The following RGL3 variants were observed in gnomAD, a reference collection of about 807,000 sequenced individuals.
RGL3 encodes the protein ral guanine nucleotide dissociation stimulator like 3, also known as ral guanine nucleotide dissociation stimulator-like 3.
Under a neutral mutation model 90.6 loss-of-function variants are expected in RGL3, and 85 were observed. The observed-to-expected ratio is 0.94, with a 90% CI of 0.79 to 1.12. The LOEUF is 1.12. Ranked by LOEUF, RGL3 falls within the 50% of genes most tolerant of loss-of-function variation. The pLI, the probability that RGL3 is intolerant of heterozygous loss-of-function variation, is 0.00. For missense variants in RGL3, 1,034 were observed against 939.2 expected, an observed-to-expected ratio of 1.10 and a Z score of -1.32; for synonymous variants, 408 against 385.5, an observed-to-expected ratio of 1.06 and a Z score of -0.68.
At chr19:11,418,497 C>T (rs926341207) in intron 2 of RGL3, 174 bp downstream of exon 2, 4 of 592,948 alleles carry the variant, frequency 6.7e-6, no homozygotes, top group Non-Finnish European at 8.9e-6. Flanking sequence ...CTGGATCTCC[C>T]CCCACTTACC....
At chr19:11,395,754 A>G (rs1458629969) in intron 18 of RGL3, among the ~76,000 whole-genome samples, 1 of 151,622 alleles carries the variant, frequency 6.6e-6, no homozygotes, top group African/African-American at 2.4e-5. Context: ...CAGCCTCCTG[A>G]GTAGCTGGGA....
intron 5 of RGL3, among the ~76,000 whole-genome samples, chr19:11,408,534 C>T (rs914076532): frequency 9.9e-5 from 15 of 150,804 alleles, no homozygotes; most frequent in African/African-American, 2.7e-4. Flanking sequence ...TGCAGTGAGC[C>T]GACATCGTGT....
chr19:11,399,978 G>T, intron 15 of RGL3, 27 bp from the exon 16 acceptor site: 1 of 1,574,682 alleles, frequency 6.4e-7, no homozygotes, highest in Non-Finnish European at 8.6e-7. Flanking sequence ...GGCTGAGGTG[G>T]GGTGGCTGTG....
At chr19:11,414,157 A>ACC (rs1361847618) in intron 5 of RGL3, among the ~76,000 whole-genome samples, 11 of 101,328 alleles carry the variant, frequency 1.1e-4, no homozygotes, top group Admixed American at 4.6e-4. Context: ...ATATATATAT[A>ACC]TATATATATA....
rs1175042926 is a variant in RGL3 at position 11,397,519 on chromosome 19, G to GCGC, written c.1822_1824dup (p.Ala608dup). On this transcript the variant is annotated inframe_insertion, in exon 17 of 19. Transcript: ENST00000380456. Reference sequence around the variant, plus strand: ...ATGACACGGGCCTCCGAGCTCTGCTGCGCCGGGAGGGGGATTCGAGGGCTG... The same window carrying GCGC: ...ATGACACGGGCCTCCGAGCTCTGCTGCGCCGCCGGGAGGGGGATTCGAGGGCTG... The GCGC allele has an allele frequency of 3.1e-6, 5 of 1,613,366 alleles. No individual in the cohort carries two copies. Among genetic ancestry groups the GCGC allele is most frequent in the Admixed American group, 3.3e-5 (2 of 59,948 alleles).
intron 18 of RGL3, among the ~76,000 whole-genome samples, chr19:11,396,158 A>ATAT (rs1568334140): frequency 2.3e-4 from 6 of 25,632 alleles, no homozygotes; most frequent in African/African-American, 3.2e-4. Flanking sequence ...ATATATATAT[A>ATAT]TTTTTTTTTT....
At chr19:11,405,516 T>TTTTTTTTG in intron 7 of RGL3, 90 bp from the exon 8 acceptor site, 1 of 706,952 alleles carries the variant, frequency 1.4e-6, no homozygotes, top group South Asian at 2.5e-5. Context: ...TTTTTTTTTT[T>TTTTTTTTG]TTTTTTTTTT....
At chr19:11,395,602 C>T (rs1215549919) in intron 18 of RGL3, among the ~76,000 whole-genome samples, 1 of 152,160 alleles carries the variant, frequency 6.6e-6, no homozygotes, top group Admixed American at 6.6e-5. Context: ...TTCTACACTC[C>T]CTTCTCTCAC....
intron 5 of RGL3, among the ~76,000 whole-genome samples, chr19:11,414,078 A>G (rs147133487): frequency 0.012 from 1,717 of 138,050 alleles, 31 homozygotes; most frequent in African/African-American, 0.044. Context: ...GACAGGGGCT[A>G]GTGGATACCA....
At position 11,397,577 on chromosome 19, in the gene RGL3, C is replaced by T. The variant is rs1384022215; in HGVS notation, c.1767G>A (p.Leu589=). The change falls in exon 17 of 19, where the codon CTG becomes CTA. Residue 589 remains leucine, a synonymous_variant. Transcript: ENST00000380456. ...GCAAAGCGAAGGGCCGGGGGCTGGGCAGGTCCAGGCTCAGGGGCAGCTGCA... is the reference window on the plus strand; with the variant it reads ...GCAAAGCGAAGGGCCGGGGGCTGGGTAGGTCCAGGCTCAGGGGCAGCTGCA... ...PSTKLPLSLD[L]PSPRPFALPL... 10 of 1,574,422 alleles carry T rather than the reference C, an allele frequency of 6.4e-6. No homozygotes were observed. Among genetic ancestry groups the T allele is most frequent in the Non-Finnish European group, 8.6e-6 (10 of 1,158,856 alleles).
Position 11,402,111 on chromosome 19 carries a change from T to C in RGL3, c.1384A>G (p.Ile462Val). 2 of 1,604,144 alleles carry C rather than the reference T, an allele frequency of 1.2e-6. No individual in the cohort carries two copies. The highest frequency in any genetic ancestry group is 1.7e-6 in the Non-Finnish European group (2 of 1,175,176). ...RRKEWEILAR[I>V]QQLQRRCQSY... is the part of the protein sequence containing the mutation. ...TGACAGCGCCTCTGCAGCTGCTGGA[T>C]GCGGGCCAGGATCTCCCACTCCTGG... Residue 462 changes from isoleucine to valine, a missense_variant, in exon 13 of 19, where the codon ATC becomes GTC. Transcript: ENST00000380456.
Position 11,416,002 on chromosome 19 carries a change from A to C in RGL3, c.572T>G (p.Leu191Arg). The part of the protein sequence containing the change: ...GSAEAQKAEK[L>R]LEDFLEEAER... The stretch of plus-strand genomic sequence containing the variant: ...AGCCTCCTCCAAAAAATCTTCCAGA[A>C]GCTTCTCTGCTTTTTGAGCCTCAGC... Residue 191 changes from leucine to arginine, a missense_variant, in exon 5 of 19, where the codon CTT becomes CGT. Leu to Arg is a moderately radical substitution (Grantham distance 102). Coordinates refer to ENST00000380456, the MANE Select transcript of RGL3 (RefSeq NM_001035223.4). The C allele has an allele frequency of 6.2e-7, 1 of 1,613,908 alleles. No homozygotes were observed.
At chr19:11,402,946 A>G (rs1001677547) in intron 9 of RGL3, among the ~76,000 whole-genome samples, 2 of 152,010 alleles carry the variant, frequency 1.3e-5, no homozygotes, top group African/African-American at 4.8e-5. Context: ...TGTCTCTACT[A>G]AAAATACAAA....
intron 5 of RGL3, among the ~76,000 whole-genome samples, chr19:11,414,435 T>G (rs1968943932): frequency 9.7e-6 from 1 of 102,584 alleles, no homozygotes; most frequent in East Asian, 2.5e-4. Flanking sequence ...ATATATACCT[T>G]CATATATATA....
At chr19:11,395,398 T>A (rs2144712397) in intron 18 of RGL3, among the ~76,000 whole-genome samples, 2 of 152,310 alleles carry the variant, frequency 1.3e-5, no homozygotes. Flanking sequence ...CTTCTCCCTG[T>A]CAGACAGGAC....
rs142635784 is a variant in RGL3, at chr19:11,394,149, C to A, written c.*253G>T. 1 of 425,594 alleles carries A rather than the reference C, an allele frequency of 2.3e-6. No homozygotes were observed. The highest frequency in any genetic ancestry group is 4.3e-6 in the Non-Finnish European group (1 of 231,244). The allele number at this position is 425,594 out of a possible 1,614,324, so 26.4% of individuals were successfully genotyped here. A position where few individuals can be genotyped will look rare whatever the true frequency, so the allele number is the denominator to read the frequency against. On this transcript the variant is annotated 3_prime_UTR_variant, in exon 19 of 19. Coordinates refer to ENST00000380456, the MANE Select transcript of RGL3 (RefSeq NM_001035223.4). Reference sequence around the variant, plus strand: ...AAGATTTCTCTGGGGAGGGATTTGACGTATCCATGCCCCACCTCTTTCTAC... The same window carrying A: ...AAGATTTCTCTGGGGAGGGATTTGAAGTATCCATGCCCCACCTCTTTCTAC...
chr19:11,414,500 T>TATATATATACACCTTC (rs1968952821), intron 5 of RGL3, among the ~76,000 whole-genome samples: 3 of 75,146 alleles, frequency 4.0e-5, no homozygotes, highest in African/African-American at 1.5e-4. Context: ...CATATATATA[T>TATATATATACACCTTC]ATATATATAT....
At chr19:11,411,376 A>T (rs886988322) in intron 5 of RGL3, 5 of 152,032 alleles carry the variant, frequency 3.3e-5, no homozygotes. Flanking sequence ...GAGTCAAGAG[A>T]TCCTCCCATC....
intron 9 of RGL3, among the ~76,000 whole-genome samples, chr19:11,403,341 A>T (rs1465025956): frequency 2.1e-5 from 3 of 142,216 alleles, no homozygotes; most frequent in Non-Finnish European, 4.6e-5. Flanking sequence ...GGCCAAAAAA[A>T]TTTTTTTTAA....
Sources: gnomAD v4.1 joint callset for allele counts (sites outside exome capture counted in the v4.1 genomes callset) on GRCh38, gnomAD v4.1.1 for gene constraint, MANE v1.5 for transcripts, NCBI Gene and HGNC (gene_info 2026-07-23, HGNC 2026-07-21) for gene names.